The following BCAR1 variants were observed in gnomAD, a reference collection of about 807,000 sequenced individuals.
BCAR1 encodes breast cancer anti-estrogen resistance protein 1.
A neutral mutation model predicts 67.6 loss-of-function variants in BCAR1; 30 were observed. The observed-to-expected ratio is 0.44, with a 90% confidence interval of 0.33 to 0.60. The LOEUF (loss-of-function observed/expected upper bound fraction) is 0.60. Ranked by LOEUF, BCAR1 falls within the 20% of genes least tolerant of loss-of-function variation. The probability of loss-of-function intolerance (pLI) is 0.02; values close to 1 mark genes in which losing one functional copy is unlikely to be tolerated. For missense variants in BCAR1, 1,313 were observed against 1,222.3 expected, an observed-to-expected ratio of 1.07 and a Z score of -1.11; for synonymous variants, 626 against 556.7, an observed-to-expected ratio of 1.12 and a Z score of -1.75.
chr16:75,247,990 A>G (rs1233464891), intron 1 of BCAR1: 4 of 968,468 alleles, frequency 4.1e-6, no homozygotes, highest in East Asian at 2.4e-5. Context: ...CGGGAGGCAG[A>G]GCTCTTTCCC....
chr16:75,264,558 G>A, intron 1 of BCAR1: 1 of 1,369,026 alleles, frequency 7.3e-7, no homozygotes, highest in South Asian at 1.8e-5. Context: ...AGAACGGATG[G>A]CGGGGCTCAC....
At chr16:75,237,936 G>A (rs1302357312) in intron 2 of BCAR1, among the ~76,000 whole-genome samples, 1 of 152,146 alleles carries the variant, frequency 6.6e-6, no homozygotes, top group Non-Finnish European at 1.5e-5. Flanking sequence ...GGTGTGTGCT[G>A]GGGGGCGCAG....
At chr16:75,265,761 C>G (rs1364995297) in intron 1 of BCAR1, 2 of 1,195,210 alleles carry the variant, frequency 1.7e-6, no homozygotes, top group African/African-American at 3.2e-5. Context: ...CCGCAGCGGG[C>G]GGGGCGAGGT....
chr16:75,255,690 C>CA (rs537559935), upstream of BCAR1, among the ~76,000 whole-genome samples: 2,524 of 141,398 alleles, frequency 0.018, 63 homozygotes, highest in African/African-American at 0.054. Context: ...GGCTCCATCT[C>CA]AAAAAAAAAA....
chr16:75,248,552 C>T, intron 1 of BCAR1: 1 of 195,420 alleles, frequency 5.1e-6, no homozygotes, highest in East Asian at 1.3e-4. Context: ...CCCATGTCCC[C>T]ATCCTGGGTG....
At chr16:75,250,703 A>AG in intron 1 of BCAR1, 1 of 985,462 alleles carries the variant, frequency 1.0e-6, no homozygotes, top group Non-Finnish European at 1.2e-6. Context: ...GACCCTCGAG[A>AG]GGGAGCTCCG....
At position 75,228,251 on chromosome 16, in the gene BCAR1, G is replaced by A. The variant is rs1479067955; in HGVS notation, c.*1260C>T. 6.6e-6 allele frequency: 1 copy of A among 152,506 alleles called. No homozygotes were observed. Among genetic ancestry groups the A allele is most frequent in the Non-Finnish European group, 1.5e-5 (1 of 68,236 alleles). 9.4% of individuals were successfully genotyped at this position (152,506 alleles called of 1,614,324 possible). On this transcript the variant is annotated 3_prime_UTR_variant, in exon 7 of 7. Coordinates refer to ENST00000162330, the MANE Select transcript of BCAR1 (RefSeq NM_014567.5). ...CAGGTGGGCTGAGCATGATGTGGCT[G>A]AGGTGGGGGGACAGATGCTGTCACG... is the stretch of plus-strand genomic sequence containing the variant.
chr16:75,256,568 T>A (rs996596150), upstream of BCAR1, among the ~76,000 whole-genome samples: 1 of 151,852 alleles, frequency 6.6e-6, no homozygotes, highest in African/African-American at 2.4e-5. Flanking sequence ...TCCCACTAAA[T>A]CCAGCCCTAC....
intron 1 of BCAR1, chr16:75,248,649 G>A (rs2077592547): frequency 5.9e-6 from 1 of 170,338 alleles, no homozygotes; most frequent in African/African-American, 2.4e-5. Flanking sequence ...TCAAGTCCTG[G>A]GTGCCCGGGT....
In BCAR1 at chr16:75,237,238, T is replaced by A. The variant is rs2077174539; in HGVS notation, c.740A>T (p.Asp247Val). ...CCGAACCGGGGGCACATCATAGATG[T>A]CCTGTGGCCCCGGGGCCAGCAGGTG... ...PRHLLAPGPQDIYDVPPVRGL... is the reference protein window; with the variant it reads ...PRHLLAPGPQVIYDVPPVRGL... The change falls in exon 3 of 7, where the codon GAC becomes GTC. Residue 247 changes from aspartate (D) to valine (V), a missense_variant. By Grantham distance (152) the Asp-to-Val change is radical. Coordinates refer to ENST00000162330, the MANE Select transcript of BCAR1 (RefSeq NM_014567.5). 3.9e-6 allele frequency: 6 copies of A among 1,547,694 alleles called. No homozygotes were observed. The highest frequency in any genetic ancestry group is 5.2e-6 in the Non-Finnish European group (6 of 1,151,542).
intron 1 of BCAR1, among the ~76,000 whole-genome samples, chr16:75,243,879 CCTGCCG>C (rs1307554626): frequency 4.6e-5 from 7 of 152,228 alleles, no homozygotes; most frequent in African/African-American, 1.4e-4. Flanking sequence ...CATCCTCGCC[CCTGCCG>C]CTGCTGCCCC....
At chr16:75,257,721 T>A (rs536095857) in intron 1 of BCAR1, among the ~76,000 whole-genome samples, 4 of 152,322 alleles carry the variant, frequency 2.6e-5, no homozygotes, top group African/African-American at 9.6e-5. Context: ...CTTCCCAAAG[T>A]GCTGGGATTA....
chr16:75,254,721 T>C (rs2077741211), upstream of BCAR1, among the ~76,000 whole-genome samples: 1 of 152,136 alleles, frequency 6.6e-6, no homozygotes, highest in Non-Finnish European at 1.5e-5. Context: ...TCCCAGACAG[T>C]TGTGTCATCC....
Position 75,235,296 on chromosome 16 carries a change from G to T in BCAR1, c.1603C>A (p.Arg535Ser), listed in dbSNP as rs144046270. The T allele has an allele frequency of 6.2e-7, 1 of 1,605,784 alleles. No homozygotes were observed. The highest frequency in any genetic ancestry group is 1.1e-5 in the South Asian group (1 of 91,000). The change falls in exon 5 of 7, where the codon CGT becomes AGT. Residue 535 changes from arginine (R) to serine (S), a missense_variant. Coordinates refer to ENST00000162330, the MANE Select transcript of BCAR1 (RefSeq NM_014567.5). ...CGGCTAAGCTTGGCATGCAGGGCAC[G>T]GTCAGATGTGTGGGCAGCATTGCCC... is the stretch of plus-strand genomic sequence containing the variant. ...AVGNAAHTSD[R>S]ALHAKLSRQL...
chr16:75,233,144 G>A (rs369329561), intron 6 of BCAR1, among the ~76,000 whole-genome samples: 8 of 152,322 alleles, frequency 5.3e-5, no homozygotes, highest in African/African-American at 1.9e-4. Flanking sequence ...GGCCAAGGCA[G>A]GTGGATCGTT....
At chr16:75,252,043 A>C (rs374252236), upstream of BCAR1, among the ~76,000 whole-genome samples, 20 of 152,196 alleles carry the variant, frequency 1.3e-4, no homozygotes, top group South Asian at 4.1e-3. Context: ...TCGCGTGTCC[A>C]TGGGCCGTGG....
chr16:75,238,345 T>C, intron 2 of BCAR1: 2 of 1,116,090 alleles, frequency 1.8e-6, no homozygotes, highest in Admixed American at 4.8e-5. Context: ...CTCTCTCCAC[T>C]GAAAGACCTT....
chr16:75,241,842 C>T (rs780038116), intron 2 of BCAR1, among the ~76,000 whole-genome samples: 7 of 152,102 alleles, frequency 4.6e-5, no homozygotes, highest in Non-Finnish European at 7.4e-5. Flanking sequence ...ACTTGGGAAG[C>T]GGGCTCAGGG....
At position 75,241,571 on chromosome 16, in the gene BCAR1, G is replaced by T. The variant is rs543426614; in HGVS notation, c.633+899C>A. Among the ~76,000 whole-genome samples, 13 of 152,324 alleles carry T rather than the reference G, an allele frequency of 8.5e-5. No individual in the cohort carries two copies. In the East Asian group the frequency reaches 2.3e-3, roughly 27 times the overall value. On this transcript the variant is annotated intron_variant, in intron 2 of 6. Transcript: ENST00000162330. ...GACCAGATGGCTGAAGGAGCAGGTA[G>T]AGCAGGAAGTGGGAGCCAGTGACCC...
Sources: gnomAD v4.1 joint callset for allele counts (sites outside exome capture counted in the v4.1 genomes callset) on GRCh38, gnomAD v4.1.1 for gene constraint, MANE v1.5 for transcripts, NCBI Gene and HGNC (gene_info 2026-07-23, HGNC 2026-07-21) for gene names.